Variants in CHD9NB observed in about 807,000 individuals in gnomAD.
CHD9NB encodes CHD9 neighbor, also known as CHD9 neighbor protein.
At chr16:53,038,593 C>G in the CHD9NB span, among the ~76,000 whole-genome samples, 2 of 152,146 alleles carry the variant, frequency 1.3e-5, no homozygotes, top group Admixed American at 1.3e-4. Context: ...TCAAGTGATC[C>G]GCCCACCTCG....
the CHD9NB span, chr16:53,043,092 A>T: frequency 1.3e-5 from 2 of 152,370 alleles, 1 homozygote; most frequent in Admixed American, 1.3e-4. Flanking sequence ...TGTTGTGTCA[A>T]CATTTATTTG....
the CHD9NB span, among the ~76,000 whole-genome samples, chr16:53,048,663 G>T: frequency 6.6e-6 from 1 of 152,130 alleles, no homozygotes; most frequent in East Asian, 1.9e-4. Flanking sequence ...TTCCATTTTG[G>T]GTGCTGTGCA....
the CHD9NB span, among the ~76,000 whole-genome samples, chr16:53,041,571 T>A: frequency 3.7e-3 from 565 of 152,186 alleles, 6 homozygotes; most frequent in African/African-American, 0.013. Context: ...AAAGCTTCCT[T>A]CCTTTGATTT....
At chr16:53,048,517 C>G in the CHD9NB span, among the ~76,000 whole-genome samples, 1 of 152,234 alleles carries the variant, frequency 6.6e-6, no homozygotes, top group African/African-American at 2.4e-5. Flanking sequence ...TATTTGCCAT[C>G]TAGTCCTAGT....
chr16:53,043,434 C>G, the CHD9NB span: 1 of 152,146 alleles, frequency 6.6e-6, no homozygotes, highest in South Asian at 2.1e-4. Context: ...CAGTGGGATC[C>G]TGATATTTTC....
chr16:53,047,020 A>C, the CHD9NB span, among the ~76,000 whole-genome samples: 1 of 152,222 alleles, frequency 6.6e-6, no homozygotes, highest in Non-Finnish European at 1.5e-5. Context: ...AGGCAAGAAC[A>C]GAGAAATGAG....
chr16:53,040,228 C>A, the CHD9NB span, among the ~76,000 whole-genome samples: 1,738 of 152,138 alleles, frequency 0.011, 27 homozygotes, highest in African/African-American at 0.039. Context: ...CACCACCACA[C>A]CCAGGTAATT....
the CHD9NB span, among the ~76,000 whole-genome samples, chr16:53,041,910 C>T: frequency 6.6e-6 from 1 of 152,230 alleles, no homozygotes; most frequent in Non-Finnish European, 1.5e-5. Flanking sequence ...GCAAGCTTAG[C>T]ACCCCTGGGA....
chr16:53,042,944 A>G, the CHD9NB span: 9 of 152,192 alleles, frequency 5.9e-5, no homozygotes, highest in Admixed American at 2.0e-4. Context: ...TAAACCGTCT[A>G]TGGAAAGTCC....
At chr16:53,041,000 G>A in the CHD9NB span, among the ~76,000 whole-genome samples, 1 of 151,998 alleles carries the variant, frequency 6.6e-6, no homozygotes, top group Non-Finnish European at 1.5e-5. Context: ...TGGATGGATG[G>A]ATAATGGATG....
the CHD9NB span, chr16:53,043,844 G>A: frequency 5.0e-6 from 2 of 396,508 alleles, no homozygotes; most frequent in African/African-American, 2.1e-5. Context: ...AATGAGCAAA[G>A]GCTGCTAAAA....
the CHD9NB span, among the ~76,000 whole-genome samples, chr16:53,040,356 A>G: frequency 6.6e-6 from 1 of 152,022 alleles, no homozygotes; most frequent in Non-Finnish European, 1.5e-5. Context: ...TTACAGGTGT[A>G]AGCCACTGTG....
At chr16:53,040,264 C>T in the CHD9NB span, among the ~76,000 whole-genome samples, 15 of 151,856 alleles carry the variant, frequency 9.9e-5, no homozygotes, top group South Asian at 2.1e-4. Flanking sequence ...TTAGTAGAGA[C>T]GGGGTTTCAC....
chr16:53,037,696 TG>T, the CHD9NB span, among the ~76,000 whole-genome samples: 1 of 152,208 alleles, frequency 6.6e-6, no homozygotes, highest in Non-Finnish European at 1.5e-5. Flanking sequence ...CTACACCTTT[TG>T]CAGGTCAAAT....
the CHD9NB span, among the ~76,000 whole-genome samples, chr16:53,046,985 T>C: frequency 1.3e-5 from 2 of 152,118 alleles, no homozygotes; most frequent in Admixed American, 6.6e-5. Flanking sequence ...TACACAGCCC[T>C]AGGAATAGAA....
At chr16:53,050,698 C>G in the CHD9NB span, among the ~76,000 whole-genome samples, 2 of 139,632 alleles carry the variant, frequency 1.4e-5, no homozygotes, top group Admixed American at 6.8e-5. Context: ...AGTTGCCAGT[C>G]AGTCCACAAG....
chr16:53,042,463 C>T, the CHD9NB span, among the ~76,000 whole-genome samples: 5 of 150,272 alleles, frequency 3.3e-5, no homozygotes, highest in East Asian at 8.0e-4. Flanking sequence ...CCTCCCTCCT[C>T]TTCTCCCTCT....
chr16:53,052,196 TA>T, the CHD9NB span, among the ~76,000 whole-genome samples: 2,139 of 83,548 alleles, frequency 0.026, 56 homozygotes, highest in African/African-American at 0.071. Context: ...CTGAGCAACA[TA>T]AAAAAAAAAA....
chr16:53,047,387 G>A, the CHD9NB span: 5 of 152,088 alleles, frequency 3.3e-5, no homozygotes, highest in Non-Finnish European at 7.3e-5. Flanking sequence ...CAACAGACTG[G>A]GTGGCTTACA....
Sources: allele counts gnomAD v4.1 joint callset (sites outside exome capture counted in the v4.1 genomes callset), GRCh38; gene constraint gnomAD v4.1.1; transcripts MANE v1.5; gene names NCBI Gene and HGNC (gene_info 2026-07-23, HGNC 2026-07-21).